The following NBAS variants were observed in gnomAD, a reference collection of about 807,000 sequenced individuals.
NBAS encodes the protein NAG/BC035112 fusion.
NBAS carries 219 observed loss-of-function variants against 302.5 expected under a neutral mutation model. That is an observed-to-expected ratio of 0.72 (90% confidence interval 0.65 to 0.81). The LOEUF (loss-of-function observed/expected upper bound fraction) is 0.81. Ranked by LOEUF, NBAS falls within the 30% of genes least tolerant of loss-of-function variation. The probability of loss-of-function intolerance (pLI) is 0.00; values close to 1 mark genes in which losing one functional copy is unlikely to be tolerated. For synonymous variants in NBAS, 1,118 were observed against 1,021.6 expected (o/e 1.09, Z -1.80); for missense variants, 2,932 against 2,841.6 (o/e 1.03, Z -0.72).
chr2:15,461,686 C>A lies in NBAS; in HGVS notation c.2202+1G>T. ...TATTTTATTTACAAAAAGCAAATTA[C>A]CTGAGCATAAGTTCTTGCTGAGAGA... On this transcript the variant is annotated splice_donor_variant, in intron 20 of 51. Coordinates refer to ENST00000281513, the MANE Select transcript of NBAS (RefSeq NM_015909.4). LOFTEE classifies it high-confidence loss of function. 6.5e-7 allele frequency: 1 copy of A among 1,547,110 alleles called. No individual in the cohort carries two copies. The highest frequency in any genetic ancestry group is 8.9e-7 in the Non-Finnish European group (1 of 1,121,778).
intron 9 of NBAS, among the ~76,000 whole-genome samples, chr2:15,519,507 A>G (rs1319122869): frequency 4.6e-5 from 7 of 151,944 alleles, no homozygotes; most frequent in African/African-American, 1.7e-4. Context: ...TGGCGCAGTC[A>G]CAGCTCACTG....
chr2:15,457,338 G>A (rs532999690), intron 21 of NBAS, among the ~76,000 whole-genome samples: 3 of 152,292 alleles, frequency 2.0e-5, no homozygotes, highest in Admixed American at 2.0e-4. Context: ...AGAGCAAAAT[G>A]AAACAGGCTG....
chr2:15,456,864 A>G (rs1679269812), intron 21 of NBAS, among the ~76,000 whole-genome samples: 1 of 150,036 alleles, frequency 6.7e-6, no homozygotes, highest in African/African-American at 2.5e-5. Flanking sequence ...TAAAGTAGAG[A>G]AGACAAATAA....
chr2:15,286,311 G>A (rs1168852692), intron 42 of NBAS, among the ~76,000 whole-genome samples: 1 of 152,124 alleles, frequency 6.6e-6, no homozygotes, highest in East Asian at 1.9e-4. Context: ...CAACACAGTA[G>A]CCAAAGTGAT....
chr2:15,042,809 G>A, the NBAS span, among the ~76,000 whole-genome samples: 3 of 152,130 alleles, frequency 2.0e-5, no homozygotes, highest in Non-Finnish European at 4.4e-5. Context: ...ACTAAATTTG[G>A]CAAAACCACA....
chr2:15,279,015 C>A (rs900910641), intron 42 of NBAS, among the ~76,000 whole-genome samples: 1 of 152,148 alleles, frequency 6.6e-6, no homozygotes, highest in Non-Finnish European at 1.5e-5. Flanking sequence ...CTCTGAAAGA[C>A]AGTGTACACA....
the NBAS span, among the ~76,000 whole-genome samples, chr2:14,786,407 T>C: frequency 1.1e-4 from 17 of 152,330 alleles, no homozygotes; most frequent in Middle Eastern, 3.4e-3. Context: ...CTTTTAATTG[T>C]GATGTTAGGG....
At chr2:15,131,551 T>C in the NBAS span, among the ~76,000 whole-genome samples, 1 of 152,222 alleles carries the variant, frequency 6.6e-6, no homozygotes, top group Non-Finnish European at 1.5e-5. Flanking sequence ...CAAAACATTA[T>C]AGATGGTAAG....
At position 15,253,552 on chromosome 2, in the gene NBAS, G is replaced by A. The variant is rs58181211; in HGVS notation, c.5725-14866C>T. 4.1e-3 allele frequency among the ~76,000 whole-genome samples: 618 copies of A among 152,202 alleles called. 7 individuals are homozygous for A. Among genetic ancestry groups the A allele is most frequent in the African/African-American group, 0.014 (579 of 41,530 alleles). On this transcript the variant is annotated intron_variant, in intron 44 of 51. Coordinates refer to ENST00000281513, the MANE Select transcript of NBAS (RefSeq NM_015909.4). ...GCACACAAAGCCTTCCAACAGGGAC[G>A]CAGGCACAGGCAGTTTAAAGGGAAT...
At chr2:15,424,529 T>C in intron 22 of NBAS, 61 bp from the exon 23 acceptor site, 1 of 1,584,382 alleles carries the variant, frequency 6.3e-7, no homozygotes, top group Non-Finnish European at 8.7e-7. Flanking sequence ...CATATAATTT[T>C]GTGAGAGAAA....
intron 44 of NBAS, among the ~76,000 whole-genome samples, chr2:15,270,208 GTC>G (rs1184192173): frequency 1.3e-5 from 2 of 152,044 alleles, no homozygotes; most frequent in South Asian, 2.1e-4. Context: ...TTTAGACAGA[GTC>G]TCTCTCTGTC....
chr2:15,508,130 A>C (rs1661960644), intron 10 of NBAS, among the ~76,000 whole-genome samples: 2 of 152,242 alleles, frequency 1.3e-5, no homozygotes, highest in African/African-American at 4.8e-5. Context: ...CACAGCCACT[A>C]ACATAATTAA....
At chr2:15,326,902 A>C (rs1672094591) in intron 38 of NBAS, among the ~76,000 whole-genome samples, 2 of 152,090 alleles carry the variant, frequency 1.3e-5, no homozygotes, top group South Asian at 2.1e-4. Context: ...AAAAACATCT[A>C]AAATAAGCTA....
the NBAS span, among the ~76,000 whole-genome samples, chr2:15,075,567 C>G: frequency 6.6e-6 from 1 of 152,232 alleles, no homozygotes; most frequent in Non-Finnish European, 1.5e-5. Flanking sequence ...TTCCTTCAGA[C>G]TTAGGGCTAC....
chr2:15,543,604 TC>T (rs1463668442), intron 6 of NBAS, among the ~76,000 whole-genome samples: 1 of 152,148 alleles, frequency 6.6e-6, no homozygotes, highest in Non-Finnish European at 1.5e-5. Flanking sequence ...GCAAGACCCA[TC>T]GTGCATGGAT....
chr2:15,217,225 G>A (rs1023608301), intron 48 of NBAS, among the ~76,000 whole-genome samples: 3 of 152,202 alleles, frequency 2.0e-5, no homozygotes, highest in Non-Finnish European at 4.4e-5. Context: ...GTGCTTCAGA[G>A]AGAGTATGAT....
chr2:15,539,248 C>A lies in NBAS; in HGVS notation c.488G>T (p.Gly163Val). ...TGTVRVFDLM[G>V]SELFVISPAS... ...CGGGGAAATGACAAAGAGTTCACTT[C>A]CCATGAGATCAAACACCCTCACAGT... Residue 163 changes from glycine (G) to valine (V), a missense_variant, in exon 7 of 52, where the codon GGA becomes GTA. Gly to Val is a moderately radical substitution (Grantham distance 109, BLOSUM62 -3). Transcript: ENST00000281513. 6.2e-7 allele frequency: 1 copy of A among 1,614,204 alleles called. No homozygotes were observed. The highest frequency in any genetic ancestry group is 8.5e-7 in the Non-Finnish European group (1 of 1,180,036).
At chr2:15,457,643 T>C (rs1262849324) in intron 21 of NBAS, among the ~76,000 whole-genome samples, 1 of 152,178 alleles carries the variant, frequency 6.6e-6, no homozygotes, top group Non-Finnish European at 1.5e-5. Context: ...CCTCAATCCC[T>C]ACCACAGTTC....
chr2:15,260,058 T>C (rs968964295), intron 44 of NBAS, among the ~76,000 whole-genome samples: 5 of 152,240 alleles, frequency 3.3e-5, no homozygotes, highest in Admixed American at 2.0e-4. Context: ...GTGATAGCAG[T>C]AGATATCAAA....
Sources: allele counts gnomAD v4.1 joint callset (sites outside exome capture counted in the v4.1 genomes callset), GRCh38; gene constraint gnomAD v4.1.1; transcripts MANE v1.5; gene names NCBI Gene and HGNC (gene_info 2026-07-23, HGNC 2026-07-21).